The following AMZ1 variants were observed in gnomAD, a reference collection of about 807,000 sequenced individuals.
AMZ1 encodes the protein archaelysin family metallopeptidase 1.
A neutral mutation model predicts 29.9 loss-of-function variants in AMZ1; 39 were observed. The ratio of observed to expected loss-of-function variants is 1.30; its 90% CI spans 1.01 to 1.70. The LOEUF is 1.70. Ranked by LOEUF, AMZ1 falls within the 40% of genes most tolerant of loss-of-function variation. The pLI, the probability that AMZ1 is intolerant of heterozygous loss-of-function variation, is 0.00. For missense variants in AMZ1, 1,041 were observed against 680.6 expected (o/e 1.53, Z -5.89); for synonymous variants, 458 against 304.0 (o/e 1.51, Z -5.27).
intron 1 of AMZ1, among the ~76,000 whole-genome samples, chr7:2,689,000 G>C (rs956993830): frequency 6.6e-6 from 1 of 152,236 alleles, no homozygotes; most frequent in African/African-American, 2.4e-5. Flanking sequence ...CAGGTGAGGA[G>C]AGAGAACAGG....
At chr7:2,702,558 C>A in intron 2 of AMZ1, 164 bp from the exon 3 acceptor site, 1 of 757,316 alleles carries the variant, frequency 1.3e-6, no homozygotes, top group Non-Finnish European at 2.1e-6. Flanking sequence ...TTGAAAAAGT[C>A]ATGCTTTCCA....
chr7:2,754,029 A>G (rs1227514273), intron 4 of AMZ1, among the ~76,000 whole-genome samples: 1 of 152,242 alleles, frequency 6.6e-6, no homozygotes, highest in Non-Finnish European at 1.5e-5. Context: ...CCTTAAGTTC[A>G]GCGTTACTCT....
In AMZ1 at chr7:2,730,840, C is replaced by G. The variant is rs34148365; in HGVS notation, n.550+21024C>G. The G allele has an allele frequency of 5.0e-3, 1,317 of 265,750 alleles. 56 individuals are homozygous for G. In the East Asian group the frequency reaches 0.086, roughly 17 times the overall value. The allele number at this position is 265,750 out of a possible 1,614,324, so 16.5% of individuals were successfully genotyped here. A position where few individuals can be genotyped will look rare whatever the true frequency, so the allele number is the denominator to read the frequency against. On this transcript the variant is annotated intron_variant and non_coding_transcript_variant, in intron 4 of 4. Transcript: ENST00000489665. ...AAGACAGAGCGTGTGTACACACATA[C>G]ACACACAACACGGTCCTCAATTAAA...
At chr7:2,691,867 G>T (rs1457569817) in intron 1 of AMZ1, among the ~76,000 whole-genome samples, 1 of 152,106 alleles carries the variant, frequency 6.6e-6, no homozygotes, top group Non-Finnish European at 1.5e-5. Flanking sequence ...CTGGAAAGCT[G>T]GGACACAGAC....
chr7:2,723,528 C>A (rs1789503904), downstream of AMZ1, among the ~76,000 whole-genome samples: 1 of 152,238 alleles, frequency 6.6e-6, no homozygotes, highest in South Asian at 2.1e-4. Flanking sequence ...CACCCCGAGG[C>A]TGCGGGAGAT....
At chr7:2,709,859 TCCGGAGGCCCGCGAGCGCCGC>T (rs760129052) in intron 6 of AMZ1, 43 bp downstream of exon 6, 1 of 1,599,938 alleles carries the variant, frequency 6.3e-7, no homozygotes, top group South Asian at 1.1e-5. Context: ...GGACCTGCGC[TCCGGAGGCCCGCGAGCGCCGC>T]CTGGAGGCTA....
chr7:2,687,954 C>G (rs1005934652), upstream of AMZ1, among the ~76,000 whole-genome samples: 1 of 152,232 alleles, frequency 6.6e-6, no homozygotes, highest in African/African-American at 2.4e-5. Context: ...TGGGGAGGCA[C>G]GAACTGGCCC....
chr7:2,695,730 G>C (rs989327685), intron 1 of AMZ1, among the ~76,000 whole-genome samples: 1 of 151,668 alleles, frequency 6.6e-6, no homozygotes, highest in Middle Eastern at 3.2e-3. Flanking sequence ...AGAAAAAAAG[G>C]CCGGGCGCAG....
chr7:2,690,074 G>A (rs1247855931), intron 1 of AMZ1, among the ~76,000 whole-genome samples: 2 of 152,200 alleles, frequency 1.3e-5, no homozygotes, highest in East Asian at 1.9e-4. Context: ...GTGGGCAGAC[G>A]TCATGCCCTG....
chr7:2,728,615 C>T (rs1486538781), intron 4 of AMZ1: 2 of 152,558 alleles, frequency 1.3e-5, no homozygotes, highest in African/African-American at 4.8e-5. Context: ...CAACTACCTC[C>T]TGCTTTTCCA....
upstream of AMZ1, among the ~76,000 whole-genome samples, chr7:2,759,911 CCCTGCTTTCTGCCA>C (rs1287258112): frequency 6.6e-6 from 1 of 152,238 alleles, no homozygotes; most frequent in Non-Finnish European, 1.5e-5. Flanking sequence ...AAGCTCCGCT[CCCTGCTTTCTGCCA>C]CCTGCTCCTG....
chr7:2,682,963 C>G (rs1418532267), intron 1 of AMZ1, among the ~76,000 whole-genome samples: 1 of 152,198 alleles, frequency 6.6e-6, no homozygotes, highest in African/African-American at 2.4e-5. Context: ...CTCCTCTGTC[C>G]CCACAGCACT....
At chr7:2,689,906 C>T (rs1027889838) in intron 1 of AMZ1, among the ~76,000 whole-genome samples, 3 of 152,156 alleles carry the variant, frequency 2.0e-5, no homozygotes, top group African/African-American at 7.2e-5. Context: ...CCCCAGGGCT[C>T]ACATGCAGCT....
At chr7:2,687,403 G>C (rs1021846811), upstream of AMZ1, among the ~76,000 whole-genome samples, 1 of 152,210 alleles carries the variant, frequency 6.6e-6, no homozygotes, top group Admixed American at 6.5e-5. Flanking sequence ...GCGCTGCTGA[G>C]GGCGTGGGGG....
Position 2,718,246 on chromosome 7 carries a change from T to C in AMZ1, c.*5368T>C, listed in dbSNP as rs1450555639. 3.9e-5 allele frequency among the ~76,000 whole-genome samples: 6 copies of C among 152,252 alleles called. No homozygotes were observed. Among genetic ancestry groups the C allele is most frequent in the African/African-American group, 1.4e-4 (6 of 41,478 alleles). On this transcript the variant is annotated 3_prime_UTR_variant, in exon 7 of 7. Coordinates refer to ENST00000683327, the MANE Select transcript of AMZ1 (RefSeq NM_001384743.1). Reference sequence around the variant, plus strand: ...GGGGCTCCTCTGATGCCGAGAGCTCTGGCTCTCCTGACTGTGGGCCCAGTG... The same window carrying C: ...GGGGCTCCTCTGATGCCGAGAGCTCCGGCTCTCCTGACTGTGGGCCCAGTG...
intron 1 of AMZ1, among the ~76,000 whole-genome samples, chr7:2,681,172 G>C (rs988365130): frequency 1.3e-5 from 2 of 152,256 alleles, no homozygotes; most frequent in African/African-American, 4.8e-5. Flanking sequence ...AAAGCCCCAA[G>C]TCAGCCTGGC....
chr7:2,744,348 A>G (rs1047495884), intron 4 of AMZ1, among the ~76,000 whole-genome samples: 10 of 152,198 alleles, frequency 6.6e-5, no homozygotes, highest in Admixed American at 2.6e-4. Context: ...AGGCAGCAGC[A>G]TTTGTGGGTC....
intron 1 of AMZ1, among the ~76,000 whole-genome samples, chr7:2,698,114 G>C (rs1030899339): frequency 2.6e-5 from 4 of 152,092 alleles, no homozygotes; most frequent in African/African-American, 9.7e-5. Flanking sequence ...GGAGTTAGTG[G>C]GCCAGGCGTG....
chr7:2,707,931 C>A (rs755444811), intron 3 of AMZ1, among the ~76,000 whole-genome samples: 1 of 129,736 alleles, frequency 7.7e-6, no homozygotes, highest in Non-Finnish European at 1.5e-5. Flanking sequence ...TCAAGCAATT[C>A]TCCCGTCTCA....
Sources: gnomAD v4.1 joint callset for allele counts (sites outside exome capture counted in the v4.1 genomes callset) on GRCh38, gnomAD v4.1.1 for gene constraint, MANE v1.5 for transcripts, NCBI Gene and HGNC (gene_info 2026-07-23, HGNC 2026-07-21) for gene names.